The following KMT2D variants were observed in gnomAD, a reference collection of about 807,000 sequenced individuals.
KMT2D encodes histone-lysine N-methyltransferase 2D.
KMT2D carries 55 observed loss-of-function variants against 512.7 expected under a neutral mutation model. The ratio of observed to expected loss-of-function variants is 0.11; its 90% CI spans 0.09 to 0.13. The LOEUF is 0.13. Among genes scored for constraint, KMT2D ranks in the 10% least tolerant of loss-of-function variants. KMT2D has a pLI of 1.00. For synonymous variants in KMT2D, 2,995 were observed against 2,904.0 expected (o/e 1.03, Z -1.01); for missense variants, 6,061 against 7,127.9 (o/e 0.85, Z 5.39).
Position 49,033,087 on chromosome 12 carries a change from A to G in KMT2D, c.11618T>C (p.Leu3873Pro), listed in dbSNP as rs1943030360. The G allele has an allele frequency of 1.3e-6, 2 of 1,551,196 alleles. No individual in the cohort carries two copies. The highest frequency in any genetic ancestry group is 2.0e-5 in the Admixed American group (1 of 50,958). ...CATCAGACTCTGCTGAAGATGGGAC[A>G]GCCCTGCCATGGACCCTTGCTGTTG... ...QHQQQGSMAG[L>P]SHLQQSLMSH... Residue 3873 changes from leucine (L) to proline (P), a missense_variant, in exon 40 of 55, where the codon CTG becomes CCG. Physicochemically the swap from Leu to Pro is moderately conservative, Grantham distance 98. This residue lies in a region of KMT2D where 1,600 missense variants were observed against 1,754.9 expected (regional missense o/e 0.91). Transcript: ENST00000301067.
At chr12:49,027,779 C>T (rs370139556) in intron 48 of KMT2D, 24 bp downstream of exon 48, 21 of 1,552,866 alleles carry the variant, frequency 1.4e-5, no homozygotes, top group South Asian at 2.4e-5. Flanking sequence ...CTAACACCCA[C>T]CCCTTTTTCT....
At position 49,041,758 on chromosome 12, in the gene KMT2D, C is replaced by A; in HGVS notation, c.6184-53G>T. ...GCCTAGTGCTTGGTCTCATGCCCCG[C>A]CCCCATACTGTAGTGTTTTCACACT... On this transcript the variant is annotated intron_variant, in intron 30 of 54. Coordinates refer to ENST00000301067, the MANE Select transcript of KMT2D (RefSeq NM_003482.4). The surrounding 1 kb of genome is among the most constrained non-coding windows in gnomAD (Gnocchi z 5.4). The A allele has an allele frequency of 1.3e-6, 2 of 1,566,970 alleles. No individual in the cohort carries two copies. Among genetic ancestry groups the A allele is most frequent in the Non-Finnish European group, 1.7e-6 (2 of 1,151,598 alleles).
Position 49,039,600 on chromosome 12 carries a change from C to T in KMT2D, c.8064G>A (p.Glu2688=), listed in dbSNP as rs148457961. ...GCTGGATCTGCTGCCGAATCAGCAG[C>T]TCTCGTAGTCGCTGGCGCTATGCAA... is the stretch of plus-strand genomic sequence containing the variant. ...EKQRQRQRLR[E]LLIRQQIQRN... The change falls in exon 33 of 55, where the codon GAG becomes GAA. Residue 2688 remains glutamate (E), a synonymous_variant. Coordinates refer to ENST00000301067, the MANE Select transcript of KMT2D (RefSeq NM_003482.4). This position sits in a 1 kb window ranked among gnomAD's most constrained non-coding sequence, Gnocchi z 5.0. 1,032 of 1,609,740 alleles carry T rather than the reference C, an allele frequency of 6.4e-4. 4 individuals are homozygous for T. The African/African-American group carries it at 0.012, about 19-fold the overall frequency.
chr12:49,057,619 CAA>C (rs2120726026), intron 1 of KMT2D, among the ~76,000 whole-genome samples: 1 of 152,306 alleles, frequency 6.6e-6, no homozygotes, highest in South Asian at 2.1e-4. Context: ...GGGGCACCTC[CAA>C]AAAGCCTGAG....
rs1422493450 is a variant in KMT2D, at chr12:49,019,364, G to A, written c.*2416C>T. The A allele has an allele frequency of 4.0e-4, 55 of 137,914 alleles. No homozygotes were observed. Among genetic ancestry groups the A allele is most frequent in the Middle Eastern group, 3.2e-3 (1 of 314 alleles). The allele number at this position is 137,914 out of a possible 1,614,324, so 8.5% of individuals were successfully genotyped here. ...AAACCAACCCAAAATACAAACACGG[G>A]GGCGGGGGGTGGGGTGGGGGATTCT... On this transcript the variant is annotated 3_prime_UTR_variant, in exon 55 of 55. Coordinates refer to ENST00000301067, the MANE Select transcript of KMT2D (RefSeq NM_003482.4).
chr12:49,043,865 C>T lies in KMT2D; in HGVS notation c.5319+3G>A, dbSNP rs372897046. The T allele has an allele frequency of 2.5e-5, 41 of 1,614,076 alleles. No individual in the cohort carries two copies. In the African/African-American group the frequency reaches 3.6e-4, roughly 14 times the overall value. On this transcript the variant is annotated splice_donor_region_variant and intron_variant, in intron 23 of 54. Transcript: ENST00000301067. Reference sequence around the variant, plus strand: ...CCCTCACTGCTTGGAGCCTGAGACCCACCTGCAAGTAAGCAGGGAACATGT... The same window carrying T: ...CCCTCACTGCTTGGAGCCTGAGACCTACCTGCAAGTAAGCAGGGAACATGT...
intron 41 of KMT2D, 23 bp downstream of exon 41, chr12:49,030,870 G>T (rs2120409900): frequency 6.2e-7 from 1 of 1,613,500 alleles, no homozygotes; most frequent in Non-Finnish European, 8.5e-7. Context: ...TGGGACCAGG[G>T]GGACTGTCTC....
intron 49 of KMT2D, 114 bp from the exon 50 acceptor site, chr12:49,025,060 G>T: frequency 8.0e-7 from 1 of 1,243,654 alleles, no homozygotes; most frequent in South Asian, 1.5e-5. Context: ...TCCCTATCAT[G>T]AAGTTGTGTT....
Position 49,050,487 on chromosome 12 carries a change from G to T in KMT2D, c.3101C>A (p.Pro1034His), listed in dbSNP as rs1423999055. 6.2e-7 allele frequency: 1 copy of T among 1,613,316 alleles called. No individual in the cohort carries two copies. The highest frequency in any genetic ancestry group is 8.5e-7 in the Non-Finnish European group (1 of 1,179,328). The change falls in exon 12 of 55, where the codon CCC (proline) becomes CAC (histidine). Residue 1034 changes from proline (P) to histidine (H), a missense_variant. Around this residue, in one of 16 missense-constraint regions of KMT2D, gnomAD observed 447 missense variants for 500.1 expected, o/e 0.89. Transcript: ENST00000301067. The stretch of plus-strand genomic sequence containing the variant: ...GCACTGGGAAGGAGGGGAGTTTTGG[G>T]GAACCAGGGAATGCTGAAGGAGTGG... The part of the protein sequence containing the change: ...CSPLLQHSLV[P>H]QNSPPSQCSP...
chr12:49,052,896 G>A lies in KMT2D; in HGVS notation c.1112+19C>T, dbSNP rs398123703. ...CTTCCAACCTGCCAGCCCAATCTCA[G>A]TCAGTCCCCACCACTTACCTGCTAC... On this transcript the variant is annotated intron_variant, in intron 9 of 54. Coordinates refer to ENST00000301067, the MANE Select transcript of KMT2D (RefSeq NM_003482.4). 81 of 1,612,850 alleles carry A rather than the reference G, an allele frequency of 5.0e-5. No homozygotes were observed. The Admixed American group carries it at 1.3e-3, about 26-fold the overall frequency.
At position 49,026,437 on chromosome 12, in the gene KMT2D, T is replaced by G; in HGVS notation, c.15529A>C (p.Met5177Leu). The G allele has an allele frequency of 6.2e-7, 1 of 1,613,916 alleles. No individual in the cohort carries two copies. Among genetic ancestry groups the G allele is most frequent in the Non-Finnish European group, 8.5e-7 (1 of 1,179,854 alleles). Residue 5177 changes from methionine (M) to leucine (L), a missense_variant, in exon 49 of 55, where the codon ATG (methionine) becomes CTG (leucine). Transcript: ENST00000301067. This position sits in a 1 kb window ranked among gnomAD's most constrained non-coding sequence, Gnocchi z 9.6. ...SIIQRGERLH[M>L]FRVGGLVFHA... is the part of the protein sequence containing the mutation. ...AACACAAGGCCCCCCACACGGAACA[T>G]GTGCAGCCGTTCTCCCCGCTGAATG... is the stretch of plus-strand genomic sequence containing the variant.
Position 49,022,262 on chromosome 12 carries a change from T to A in KMT2D, c.16412+18A>T, listed in dbSNP as rs1942366392. The A allele has an allele frequency of 6.3e-7, 1 of 1,588,860 alleles. No homozygotes were observed. Among genetic ancestry groups the A allele is most frequent in the African/African-American group, 1.3e-5 (1 of 74,222 alleles). ...CTCTCAGGGACCACTAAATCCCTCC[T>A]TCCTCGTCATCTCTCACCTGGCAGG... On this transcript the variant is annotated intron_variant, in intron 53 of 54. Transcript: ENST00000301067. This position sits in a 1 kb window ranked among gnomAD's most constrained non-coding sequence, Gnocchi z 8.6.
intron 1 of KMT2D, among the ~76,000 whole-genome samples, chr12:49,056,855 A>C (rs1175333836): frequency 6.6e-6 from 1 of 152,128 alleles, no homozygotes; most frequent in Non-Finnish European, 1.5e-5. Flanking sequence ...TAAGAACTAC[A>C]ATATCACTCT....
intron 40 of KMT2D, 61 bp from the exon 41 acceptor site, chr12:49,031,094 G>GACCCAGGCTCACTCAT: frequency 7.2e-7 from 1 of 1,388,866 alleles, no homozygotes; most frequent in Non-Finnish European, 1.0e-6. Context: ...CATCTCTTCT[G>GACCCAGGCTCACTCAT]TCTGACCCAG....
In KMT2D at chr12:49,026,825, G is replaced by A. The variant is rs2120363307; in HGVS notation, c.15141C>T (p.Ala5047=). The A allele has an allele frequency of 6.2e-7, 1 of 1,613,420 alleles. No homozygotes were observed. Among genetic ancestry groups the A allele is most frequent in the Non-Finnish European group, 8.5e-7 (1 of 1,179,418 alleles). ...EEGDGATDGP[A]RLLNLDLDLW... ...GGTCCAGGTCCAGGTTCAGCAGACG[G>A]GCAGGCCCATCAGTGGCCCCGTCAC... The change falls in exon 49 of 55, where the codon GCC becomes GCT. Residue 5047 remains alanine (A), a synonymous_variant. Transcript: ENST00000301067. This position sits in a 1 kb window ranked among gnomAD's most constrained non-coding sequence, Gnocchi z 9.6.
Position 49,026,407 on chromosome 12 carries a change from C to T in KMT2D, c.15559G>A (p.Ala5187Thr), listed in dbSNP as rs775954885. 2.6e-5 allele frequency: 42 copies of T among 1,613,804 alleles called. No individual in the cohort carries two copies. The highest frequency in any genetic ancestry group is 3.0e-5 in the Non-Finnish European group (35 of 1,179,840). The change falls in exon 49 of 55, where the codon GCC becomes ACC. Residue 5187 changes from alanine (A) to threonine (T), a missense_variant. Ala to Thr is a moderately conservative substitution (Grantham distance 58). Coordinates refer to ENST00000301067, the MANE Select transcript of KMT2D (RefSeq NM_003482.4). This position sits in a 1 kb window ranked among gnomAD's most constrained non-coding sequence, Gnocchi z 9.6. The part of the protein sequence containing the change: ...MFRVGGLVFH[A>T]IGQLLPHQMA... Reference sequence around the variant, plus strand: ...TGGTGAGGCAGCAGCTGTCCGATGGCGTGGAACACAAGGCCCCCCACACGG... The same window carrying T: ...TGGTGAGGCAGCAGCTGTCCGATGGTGTGGAACACAAGGCCCCCCACACGG...
rs764555128 is a variant in KMT2D at position 49,040,551 on chromosome 12, G to T, written c.7219C>A (p.Pro2407Thr). 2.9e-5 allele frequency: 46 copies of T among 1,610,586 alleles called. No individual in the cohort carries two copies. The South Asian group carries it at 5.0e-4, about 17-fold the overall frequency. ...ALPPRSLPSDPFSRVPASPQS... is the reference protein window; with the variant it reads ...ALPPRSLPSDTFSRVPASPQS... ...GGACTGGCAGGCACTCGGGAGAAAG[G>T]GTCGGAGGGCAGTGAGCGAGGGGGC... The change falls in exon 32 of 55, where the codon CCT becomes ACT. Residue 2407 changes from proline (P) to threonine (T), a missense_variant. Around this residue, in one of 16 missense-constraint regions of KMT2D, gnomAD observed 710 missense variants for 647.3 expected, o/e 1.10. Transcript: ENST00000301067.
rs372296816 is a variant in KMT2D, at chr12:49,029,150, C to T, written c.14162G>A (p.Arg4721His). 4 of 1,613,806 alleles carry T rather than the reference C, an allele frequency of 2.5e-6. No individual in the cohort carries two copies. Among genetic ancestry groups the T allele is most frequent in the South Asian group, 1.1e-5 (1 of 91,080 alleles). ...PESILGEEAP[R>H]FPHLGSGRWE... is the part of the protein sequence containing the mutation. ...CCGGCCTGAGCCCAGATGAGGGAAA[C>T]GAGGGGCCTCCTCCCCCAAGATGCT... The change falls in exon 45 of 55, where the codon CGT (arginine) becomes CAT (histidine). Residue 4721 changes from arginine (R) to histidine (H), a missense_variant. Arg to His is a conservative substitution (Grantham distance 29, BLOSUM62 0). Transcript: ENST00000301067.
rs376086299 is a variant in KMT2D, at chr12:49,054,168, G to T, written c.511-28C>A. 705 of 1,567,138 alleles carry T rather than the reference G, an allele frequency of 4.5e-4. 1 individual carries two copies. The highest frequency in any genetic ancestry group is 4.1e-4 in the Non-Finnish European group (473 of 1,155,080). On this transcript the variant is annotated intron_variant, in intron 5 of 54. Transcript: ENST00000301067. This position sits in a 1 kb window ranked among gnomAD's most constrained non-coding sequence, Gnocchi z 6.4. ...GCCAGGGTGAAAAAAGAGCCTCAGT[G>T]TCAGCCAGCTCTCCCCAGACAAACA...
Sources: gnomAD v4.1 joint callset for allele counts (sites outside exome capture counted in the v4.1 genomes callset) on GRCh38, gnomAD v4.1.1 for gene constraint, gnomAD v4.1.1 regional missense constraint, Gnocchi (gnomAD v3.1) non-coding constraint, MANE v1.5 for transcripts, NCBI Gene and HGNC (gene_info 2026-07-23, HGNC 2026-07-21) for gene names.